SUPT20HL2: variants seen among roughly 807,000 people sequenced by gnomAD.
SUPT20HL2 encodes SUPT20H like 2.
For synonymous variants in SUPT20HL2, 125 were observed against 51.6 expected (o/e 2.42, Z -6.10); for missense variants, 288 against 127.4 (o/e 2.26, Z -6.07).
chrX:24,311,279 G>A lies in SUPT20HL2; in HGVS notation c.2037C>T (p.Pro679=), dbSNP rs1037147616. 1 of 386,197 alleles carries A rather than the reference G, an allele frequency of 2.6e-6. No individual in the cohort carries two copies. The highest frequency in any genetic ancestry group is 5.2e-6 in the Non-Finnish European group (1 of 192,465). The allele number at this position is 386,197 out of a possible 1,213,427, so 31.8% of individuals were successfully genotyped here. Reference sequence around the variant, plus strand: ...CTGGCTGAGGAGGGTGAGCAGCTGTGGGCTGCTGGAGCTGCTGCAGGGAAA... The same window carrying A: ...CTGGCTGAGGAGGGTGAGCAGCTGTAGGCTGCTGGAGCTGCTGCAGGGAAA... ...QLVSLQQLQQ[P]TAAHPPQPGP... The change falls in exon 1 of 1, where the codon CCC becomes CCT. Residue 679 remains proline (P), a synonymous_variant. Transcript: ENST00000486479.
rs1242341019 is a variant in SUPT20HL2 at position 24,312,235 on chromosome X, G to C, written c.1081C>G (p.Pro361Ala). 7.8e-6 allele frequency: 3 copies of C among 386,542 alleles called. No individual in the cohort carries two copies. The highest frequency in any genetic ancestry group is 7.0e-5 in the South Asian group (3 of 42,682). The allele number at this position is 386,542 out of a possible 1,213,427, so 31.9% of individuals were successfully genotyped here. A position where few individuals can be genotyped will look rare whatever the true frequency, so the allele number is the denominator to read the frequency against. The change falls in exon 1 of 1, where the codon CCG becomes GCG. Residue 361 changes from proline to alanine, a missense_variant. Physicochemically the swap from Pro to Ala is conservative, Grantham distance 27. Coordinates refer to ENST00000486479, the MANE Select transcript of SUPT20HL2 (RefSeq NM_001136233.3). ...KPNIMQSFND[P>A]LLCGKIRPRK... ...GGCCGTATTTTACCACAGAGAAGCG[G>C]ATCATTAAACGACTGCATGATGTTT...
Position 24,313,154 on chromosome X carries a change from A to G in SUPT20HL2, c.162T>C (p.Asp54=), listed in dbSNP as rs1425941178. The G allele has an allele frequency of 4.0e-5, 15 of 376,401 alleles. No individual in the cohort carries two copies. The highest frequency in any genetic ancestry group is 7.9e-5 in the Non-Finnish European group (15 of 189,611). 31.0% of individuals were successfully genotyped at this position (376,401 alleles called of 1,213,427 possible). A position where few individuals can be genotyped will look rare whatever the true frequency, so the allele number is the denominator to read the frequency against. The change falls in exon 1 of 1, where the codon GAT becomes GAC. Residue 54 remains aspartate, a synonymous_variant. Coordinates refer to ENST00000486479, the MANE Select transcript of SUPT20HL2 (RefSeq NM_001136233.3). ...TTACATTGCTTCTCAATTCCTGAGG[A>G]TCCTCAGGCTCTTTTCCACATTCTT... ...YVEECGKEPE[D]PQELRSNVNL... is the part of the protein sequence containing the mutation.
rs1444227430 is a variant in SUPT20HL2, at chrX:24,309,690, A to T, written c.*1172T>A. On this transcript the variant is annotated 3_prime_UTR_variant, in exon 1 of 1. Coordinates refer to ENST00000486479, the MANE Select transcript of SUPT20HL2 (RefSeq NM_001136233.3). ...CTTAGAGTATAATAAAAAAAAAAAAATTAAAAAAAAAAATTAAAAAAAAAA... is the reference window on the plus strand; with the variant it reads ...CTTAGAGTATAATAAAAAAAAAAAATTTAAAAAAAAAAATTAAAAAAAAAA... 7.3e-5 allele frequency among the ~76,000 whole-genome samples: 5 copies of T among 68,447 alleles called. No individual in the cohort carries two copies. Among genetic ancestry groups the T allele is most frequent in the African/African-American group, 3.6e-4 (5 of 13,819 alleles). The allele number at this position is 68,447 out of a possible 115,157, so 59.4% of individuals were successfully genotyped here. A position where few individuals can be genotyped will look rare whatever the true frequency, so the allele number is the denominator to read the frequency against.
chrX:24,309,953 CT>C lies in SUPT20HL2; in HGVS notation c.*908del, dbSNP rs1394820951. Among the ~76,000 whole-genome samples the C allele has an allele frequency of 3.7e-5, 4 of 108,860 alleles. No individual in the cohort carries two copies. The highest frequency in any genetic ancestry group is 7.6e-5 in the Non-Finnish European group (4 of 52,419). The allele number at this position is 108,860 out of a possible 115,157, so 94.5% of individuals were successfully genotyped here. ...GTGTGACAAGCATCACTGTACTGTA[CT>C]TTTTTTTCATTTTTCAAAATGAATG... is the stretch of plus-strand genomic sequence containing the variant. On this transcript the variant is annotated 3_prime_UTR_variant, in exon 1 of 1. Coordinates refer to ENST00000486479, the MANE Select transcript of SUPT20HL2 (RefSeq NM_001136233.3).
chrX:24,310,656 G>A lies in SUPT20HL2; in HGVS notation c.*206C>T, dbSNP rs1411323724. Among the ~76,000 whole-genome samples the A allele has an allele frequency of 8.9e-6, 1 of 112,060 alleles. No individual in the cohort carries two copies. ...ATATCAACAGCAATGACAACAAAAG[G>A]AGTAACTTAAGCAAAACAATGCCCC... is the stretch of plus-strand genomic sequence containing the variant. On this transcript the variant is annotated 3_prime_UTR_variant, in exon 1 of 1. Coordinates refer to ENST00000486479, the MANE Select transcript of SUPT20HL2 (RefSeq NM_001136233.3).
chrX:24,310,248 CATAGAG>C lies in SUPT20HL2; in HGVS notation c.*608_*613del, dbSNP rs767759426. 9.0e-6 allele frequency among the ~76,000 whole-genome samples: 1 copy of C among 111,327 alleles called. No homozygotes were observed. Among genetic ancestry groups the C allele is most frequent in the South Asian group, 3.8e-4 (1 of 2,622 alleles). ...CATGAAATGGCCAGGGTAGTCAACT[CATAGAG>C]AAAGAAAGTAGAACAATGGCTGCCA... On this transcript the variant is annotated 3_prime_UTR_variant, in exon 1 of 1. Transcript: ENST00000486479.
rs142504532 is a variant in SUPT20HL2 at position 24,308,312 on chromosome X, A to C, written c.*2550T>G. 2.2e-3 allele frequency: 806 copies of C among 373,651 alleles called. 4 individuals are homozygous for C. Among genetic ancestry groups the C allele is most frequent in the African/African-American group, 0.017 (650 of 39,291 alleles). The allele number at this position is 373,651 out of a possible 1,213,427, so 30.8% of individuals were successfully genotyped here. On this transcript the variant is annotated 3_prime_UTR_variant, in exon 1 of 1. Coordinates refer to ENST00000486479, the MANE Select transcript of SUPT20HL2 (RefSeq NM_001136233.3). ...GTTGTCTCCATGTCCTACTTGAAAG[A>C]AGCAGCAGGCAAAGGAGAAAGCACA...
At position 24,312,466 on chromosome X, in the gene SUPT20HL2, T is replaced by C. The variant is rs762186361; in HGVS notation, c.850A>G (p.Thr284Ala). Residue 284 changes from threonine (T) to alanine (A), a missense_variant, in exon 1 of 1, where the codon ACT becomes GCT. Physicochemically the swap from Thr to Ala is moderately conservative, Grantham distance 58. Transcript: ENST00000486479. ...GTGTCTACACAACTTCCCGCTTTAG[T>C]AATGTTCAGCTCACAAGGCTGACCT... ...KVGQPCELNI[T>A]KAGSCVDTWK... 1.2e-4 allele frequency: 47 copies of C among 385,407 alleles called. No homozygotes were observed. In the Middle Eastern group the frequency reaches 1.7e-3, roughly 14 times the overall value. 31.8% of individuals were successfully genotyped at this position (385,407 alleles called of 1,213,427 possible).
rs1939098610 is a variant in SUPT20HL2 at position 24,309,728 on chromosome X, T to TAAAAAAA, written c.*1133_*1134insTTTTTTT. Among the ~76,000 whole-genome samples the TAAAAAAA allele has an allele frequency of 5.5e-4, 7 of 12,770 alleles. No homozygotes were observed. Among genetic ancestry groups the TAAAAAAA allele is most frequent in the Admixed American group, 2.9e-3 (2 of 689 alleles). The allele number at this position is 12,770 out of a possible 115,157, so 11.1% of individuals were successfully genotyped here. ...ATTAAAAAAAAAAAGAAAAAAATAA[T>TAAAAAAA]AAAAATAAAAAAAAAAAGAAAAAAA... is the stretch of plus-strand genomic sequence containing the variant. On this transcript the variant is annotated 3_prime_UTR_variant, in exon 1 of 1. Coordinates refer to ENST00000486479, the MANE Select transcript of SUPT20HL2 (RefSeq NM_001136233.3).
rs1939097074 is a variant in SUPT20HL2, at chrX:24,309,717, G to GAAAAAAAAAAAA, written c.*1144_*1145insTTTTTTTTTTTT. 5.1e-4 allele frequency among the ~76,000 whole-genome samples: 7 copies of GAAAAAAAAAAAA among 13,827 alleles called. No individual in the cohort carries two copies. Among genetic ancestry groups the GAAAAAAAAAAAA allele is most frequent in the Non-Finnish European group, 7.5e-4 (7 of 9,290 alleles). The allele number at this position is 13,827 out of a possible 115,157, so 12.0% of individuals were successfully genotyped here. ...TAAAAAAAAAAATTAAAAAAAAAAAGAAAAAAATAATAAAAATAAAAAAAA... is the reference window on the plus strand; with the variant it reads ...TAAAAAAAAAAATTAAAAAAAAAAAGAAAAAAAAAAAAAAAAAAATAATAAAAATAAAAAAAA... On this transcript the variant is annotated 3_prime_UTR_variant, in exon 1 of 1. Coordinates refer to ENST00000486479, the MANE Select transcript of SUPT20HL2 (RefSeq NM_001136233.3).
Position 24,314,030 on chromosome X carries a change from G to A in SUPT20HL2, c.-715C>T, listed in dbSNP as rs368069268. On this transcript the variant is annotated 5_prime_UTR_variant, in exon 1 of 1. The change creates a new upstream start codon in the 5' untranslated region. Transcript: ENST00000486479. ...CATCGGTACCTGAGGGGTGATTGTC[G>A]TGGCCTGGGCTTCGCGTCTCTGAGT... is the stretch of plus-strand genomic sequence containing the variant. The A allele has an allele frequency of 2.5e-5, 9 of 366,589 alleles. No homozygotes were observed. The highest frequency in any genetic ancestry group is 4.8e-5 in the Non-Finnish European group (9 of 187,971). The allele number at this position is 366,589 out of a possible 1,213,427, so 30.2% of individuals were successfully genotyped here.
Position 24,308,393 on chromosome X carries a change from T to C in SUPT20HL2, c.*2469A>G. ...ACTGCTTAGCTCCGAAGGCCATGCA[T>C]AAACTCTTCTCTACAACTGGTCATT... On this transcript the variant is annotated 3_prime_UTR_variant, in exon 1 of 1. Coordinates refer to ENST00000486479, the MANE Select transcript of SUPT20HL2 (RefSeq NM_001136233.3). The C allele has an allele frequency of 2.8e-6, 1 of 350,977 alleles. No individual in the cohort carries two copies. Among genetic ancestry groups the C allele is most frequent in the Non-Finnish European group, 5.6e-6 (1 of 179,802 alleles). 28.9% of individuals were successfully genotyped at this position (350,977 alleles called of 1,213,427 possible).
rs757361423 is a variant in SUPT20HL2 at position 24,313,961 on chromosome X, C to T, written c.-646G>A. ...GTCTGGGCACCTGCCCAGAAACCTG[C>T]CCCCAGGGAAGCGCTACCCAATCTG... On this transcript the variant is annotated 5_prime_UTR_variant, in exon 1 of 1. Transcript: ENST00000486479. 2 of 359,576 alleles carry T rather than the reference C, an allele frequency of 5.6e-6. No homozygotes were observed. Among genetic ancestry groups the T allele is most frequent in the Non-Finnish European group, 5.4e-6 (1 of 186,775 alleles). The allele number at this position is 359,576 out of a possible 1,213,427, so 29.6% of individuals were successfully genotyped here.
In SUPT20HL2 at chrX:24,309,705, T is replaced by TAA. The variant is rs1157065397; in HGVS notation, c.*1155_*1156dup. The stretch of plus-strand genomic sequence containing the variant: ...AAAAAAAAAAATTAAAAAAAAAAAT[T>TAA]AAAAAAAAAAAGAAAAAAATAATAA... On this transcript the variant is annotated 3_prime_UTR_variant, in exon 1 of 1. Coordinates refer to ENST00000486479, the MANE Select transcript of SUPT20HL2 (RefSeq NM_001136233.3). 5.0e-4 allele frequency among the ~76,000 whole-genome samples: 9 copies of TAA among 18,026 alleles called. No individual in the cohort carries two copies. The highest frequency in any genetic ancestry group is 6.3e-4 in the Non-Finnish European group (7 of 11,145). 15.7% of individuals were successfully genotyped at this position (18,026 alleles called of 115,157 possible). A position where few individuals can be genotyped will look rare whatever the true frequency, so the allele number is the denominator to read the frequency against.
rs867743358 is a variant in SUPT20HL2 at position 24,309,705 on chromosome X, T to A, written c.*1157A>T. Among the ~76,000 whole-genome samples, 174 of 17,730 alleles carry A rather than the reference T, an allele frequency of 9.8e-3. No homozygotes were observed. Among genetic ancestry groups the A allele is most frequent in the Middle Eastern group, 0.029 (1 of 35 alleles). 15.4% of individuals were successfully genotyped at this position (17,730 alleles called of 115,157 possible). On this transcript the variant is annotated 3_prime_UTR_variant, in exon 1 of 1. Coordinates refer to ENST00000486479, the MANE Select transcript of SUPT20HL2 (RefSeq NM_001136233.3). ...AAAAAAAAAAATTAAAAAAAAAAAT[T>A]AAAAAAAAAAAGAAAAAAATAATAA...
At position 24,310,208 on chromosome X, in the gene SUPT20HL2, A is replaced by G. The variant is rs1451172010; in HGVS notation, c.*654T>C. 9.0e-6 allele frequency among the ~76,000 whole-genome samples: 1 copy of G among 111,691 alleles called. No individual in the cohort carries two copies. Among genetic ancestry groups the G allele is most frequent in the Non-Finnish European group, 1.9e-5 (1 of 53,177 alleles). On this transcript the variant is annotated 3_prime_UTR_variant, in exon 1 of 1. Transcript: ENST00000486479. ...AGCCACTCACCAAGTGACAAATGCC[A>G]TATGATTCCACTTCCATGAAATGGC...
chrX:24,309,747 A>AAAAAAAAAAAAAAAAAAAAAAAAAT lies in SUPT20HL2; in HGVS notation c.*1114_*1115insATTTTTTTTTTTTTTTTTTTTTTTT, dbSNP rs1939103179. Among the ~76,000 whole-genome samples, 1 of 2,702 alleles carries AAAAAAAAAAAAAAAAAAAAAAAAAT rather than the reference A, an allele frequency of 3.7e-4. No homozygotes were observed. The allele number at this position is 2,702 out of a possible 115,157, so 2.3% of individuals were successfully genotyped here. A position where few individuals can be genotyped will look rare whatever the true frequency, so the allele number is the denominator to read the frequency against. ...AAATAATAAAAATAAAAAAAAAAAG[A>AAAAAAAAAAAAAAAAAAAAAAAAAT]AAAAAAAAAAAAAAAAAAAAAACAT... On this transcript the variant is annotated 3_prime_UTR_variant, in exon 1 of 1. Coordinates refer to ENST00000486479, the MANE Select transcript of SUPT20HL2 (RefSeq NM_001136233.3).
rs758991427 is a variant in SUPT20HL2 at position 24,312,365 on chromosome X, G to A, written c.951C>T (p.Ser317=). Residue 317 remains serine, a synonymous_variant, in exon 1 of 1, where the codon TCC becomes TCT. Transcript: ENST00000486479. ...DVEKLAKGYQ[S]VTAADPQLPV... is the part of the protein sequence containing the mutation. ...GGAGCTGTGGGTCAGCAGCTGTGAC[G>A]GACTGATACCCTTTAGCAAGTTTCT... 2.9e-5 allele frequency: 11 copies of A among 385,450 alleles called. No individual in the cohort carries two copies. The highest frequency in any genetic ancestry group is 1.3e-4 in the African/African-American group (5 of 39,025). The allele number at this position is 385,450 out of a possible 1,213,427, so 31.8% of individuals were successfully genotyped here.
chrX:24,314,060 C>G lies in SUPT20HL2; in HGVS notation c.-745G>C, dbSNP rs1939162961. On this transcript the variant is annotated 5_prime_UTR_variant, in exon 1 of 1. Transcript: ENST00000486479. The stretch of plus-strand genomic sequence containing the variant: ...CTGGGCTTCGCGTCTCTGAGTGCTG[C>G]ACCGGAAATGAACGGGAGGGCCGGG... 2.7e-6 allele frequency: 1 copy of G among 363,869 alleles called. No individual in the cohort carries two copies. 30.0% of individuals were successfully genotyped at this position (363,869 alleles called of 1,213,427 possible). A position where few individuals can be genotyped will look rare whatever the true frequency, so the allele number is the denominator to read the frequency against.
Sources: gnomAD v4.1 joint callset for allele counts (sites outside exome capture counted in the v4.1 genomes callset) on GRCh38, gnomAD v4.1.1 for gene constraint, MANE v1.5 for transcripts, NCBI Gene and HGNC (gene_info 2026-07-23, HGNC 2026-07-21) for gene names.